EGFR: variants seen among roughly 807,000 people sequenced by gnomAD.
EGFR encodes avian erythroblastic leukemia viral (v-erb-b) oncogene homolog.
EGFR carries 58 observed loss-of-function variants against 143.0 expected under a neutral mutation model. That is an observed-to-expected ratio of 0.41 (90% CI 0.33 to 0.50). EGFR has a LOEUF of 0.50. Among genes scored for constraint, EGFR ranks in the 20% least tolerant of loss-of-function variants. The pLI is 0.39. For synonymous variants in EGFR, 613 were observed against 594.4 expected, an observed-to-expected ratio of 1.03 and a Z score of -0.45; for missense variants, 1,307 against 1,579.0, an observed-to-expected ratio of 0.83 and a Z score of 2.92.
chr7:55,205,718 C>G lies in EGFR; in HGVS notation c.*101C>G. 1.3e-6 allele frequency: 2 copies of G among 1,591,196 alleles called. No homozygotes were observed. The highest frequency in any genetic ancestry group is 1.7e-6 in the Non-Finnish European group (2 of 1,163,640). On this transcript the variant is annotated 3_prime_UTR_variant, in exon 28 of 28. Coordinates refer to ENST00000275493, the MANE Select transcript of EGFR (RefSeq NM_005228.5). ...CCCAACAGCCATGCCCGCATTAGCT[C>G]TTAGACCCACAGACTGGTTTTGCAA... is the stretch of plus-strand genomic sequence containing the variant.
intron 1 of EGFR, among the ~76,000 whole-genome samples, chr7:55,115,465 C>T (rs1792780018): frequency 6.6e-6 from 1 of 152,200 alleles, no homozygotes; most frequent in Non-Finnish European, 1.5e-5. Flanking sequence ...TTATTGTCCT[C>T]TACTGGATTT....
At chr7:55,194,069 C>T (rs919987422) in intron 22 of EGFR, among the ~76,000 whole-genome samples, 15 of 152,212 alleles carry the variant, frequency 9.9e-5, no homozygotes, top group East Asian at 1.9e-4. Flanking sequence ...CTCCTCTCCA[C>T]GAGGGAACTG....
intron 1 of EGFR, among the ~76,000 whole-genome samples, chr7:55,089,782 T>C (rs73135226): frequency 0.19 from 29,099 of 151,928 alleles, 3,187 homozygotes; most frequent in African/African-American, 0.28. Flanking sequence ...CCGGAGCCCA[T>C]GTTTCTTTCC....
At chr7:55,124,923 C>A (rs1793433923) in intron 1 of EGFR, among the ~76,000 whole-genome samples, 1 of 152,238 alleles carries the variant, frequency 6.6e-6, no homozygotes, top group African/African-American at 2.4e-5. Context: ...CCTCTTTAAC[C>A]CCTGTCGGGG....
intron 15 of EGFR, chr7:55,170,919 A>G (rs1443396333): frequency 7.1e-7 from 1 of 1,417,962 alleles, no homozygotes; most frequent in Admixed American, 2.9e-5. Flanking sequence ...CTCAATAACA[A>G]ACTGGCTGCT....
At chr7:55,098,367 A>G (rs2128899325) in intron 1 of EGFR, among the ~76,000 whole-genome samples, 1 of 152,334 alleles carries the variant, frequency 6.6e-6, no homozygotes, top group East Asian at 1.9e-4. Flanking sequence ...AGCACGCATG[A>G]CCTTCCCACA....
At chr7:55,119,696 T>C (rs1793082449) in intron 1 of EGFR, among the ~76,000 whole-genome samples, 2 of 152,212 alleles carry the variant, frequency 1.3e-5, no homozygotes, top group African/African-American at 4.8e-5. Flanking sequence ...GACAATACGG[T>C]CCTATGCTTT....
In EGFR at chr7:55,061,649, T is replaced by TGA. The variant is rs1174312198; in HGVS notation, c.88+42307_88+42308dup. On this transcript the variant is annotated intron_variant, in intron 1 of 27. Coordinates refer to ENST00000275493, the MANE Select transcript of EGFR (RefSeq NM_005228.5). ...GTGTGTGTGTGTGTGTGTGTGTGTG[T>TGA]GAGAGAGAGAGAGAGAGAGAGAGAC... 2.0e-3 allele frequency among the ~76,000 whole-genome samples: 261 copies of TGA among 132,796 alleles called. 3 individuals are homozygous for TGA. The East Asian group carries it at 0.034, about 17-fold the overall frequency. The allele number at this position is 132,796 out of a possible 152,430, so 87.1% of individuals were successfully genotyped here. A position where few individuals can be genotyped will look rare whatever the true frequency, so the allele number is the denominator to read the frequency against.
intron 1 of EGFR, among the ~76,000 whole-genome samples, chr7:55,037,194 A>C (rs563239080): frequency 3.9e-5 from 6 of 152,222 alleles, no homozygotes; most frequent in Admixed American, 2.0e-4. Flanking sequence ...TCTTATCTGC[A>C]TGTTTCATCT....
intron 17 of EGFR, among the ~76,000 whole-genome samples, 180 bp from the exon 18 acceptor site, chr7:55,173,741 C>A (rs1786463331): frequency 6.6e-6 from 1 of 152,256 alleles, no homozygotes; most frequent in South Asian, 2.1e-4. Flanking sequence ...CTACCAACTT[C>A]TGTCAAGCTC....
intron 1 of EGFR, among the ~76,000 whole-genome samples, chr7:55,098,482 T>G (rs1221990179): frequency 6.6e-6 from 1 of 152,152 alleles, no homozygotes; most frequent in Non-Finnish European, 1.5e-5. Flanking sequence ...AACTTTACTA[T>G]ATGTTGTTAA....
At chr7:55,109,003 G>A (rs4947975) in intron 1 of EGFR, among the ~76,000 whole-genome samples, 5 of 152,148 alleles carry the variant, frequency 3.3e-5, no homozygotes, top group African/African-American at 9.6e-5. Context: ...TTGTGAGGAC[G>A]GTCATTGCTC....
intron 20 of EGFR, among the ~76,000 whole-genome samples, chr7:55,190,134 T>C (rs1372981486): frequency 2.6e-5 from 4 of 152,002 alleles, no homozygotes; most frequent in Admixed American, 1.3e-4. Context: ...GCCCCCCCTC[T>C]CCTCTCCCTT....
Position 55,201,741 on chromosome 7 carries a change from A to G in EGFR, c.3121A>G (p.Thr1041Ala), listed in dbSNP as rs1420042114. 2 of 1,614,100 alleles carry G rather than the reference A, an allele frequency of 1.2e-6. No individual in the cohort carries two copies. The highest frequency in any genetic ancestry group is 1.7e-6 in the Non-Finnish European group (2 of 1,180,046). ...RTPLLSSLSA[T>A]SNNSTVACID... ...TTCTCTGTTTCTTTTTCAGAGTGCA[A>G]CCAGCAACAATTCCACCGTGGCTTG... The change falls in exon 26 of 28, where the codon ACC becomes GCC. Residue 1041 changes from threonine to alanine, a missense_variant. Thr to Ala is a moderately conservative substitution (Grantham distance 58, BLOSUM62 0). Coordinates refer to ENST00000275493, the MANE Select transcript of EGFR (RefSeq NM_005228.5).
intron 1 of EGFR, among the ~76,000 whole-genome samples, chr7:55,054,401 C>T (rs921940858): frequency 7.9e-5 from 12 of 152,202 alleles, no homozygotes; most frequent in Admixed American, 2.0e-4. Flanking sequence ...TTTAACACAG[C>T]GGGAAAAGCT....
At chr7:55,143,253 G>A (rs1794567385) in intron 2 of EGFR, 52 bp from the exon 3 acceptor site, 2 of 1,609,386 alleles carry the variant, frequency 1.2e-6, no homozygotes, top group South Asian at 1.1e-5. Flanking sequence ...TAGACCTTGA[G>A]TTCTTGAGTT....
At chr7:55,143,218 G>C in intron 2 of EGFR, 87 bp from the exon 3 acceptor site, 2 of 1,448,018 alleles carry the variant, frequency 1.4e-6, no homozygotes, top group Non-Finnish European at 1.9e-6. Flanking sequence ...TCAACTGGGC[G>C]TCCTAGGGCT....
chr7:55,198,338 T>TC (rs1299032948), intron 22 of EGFR, among the ~76,000 whole-genome samples: 1 of 152,180 alleles, frequency 6.6e-6, no homozygotes. Flanking sequence ...CAGATACAGG[T>TC]CCCTCAGAGC....
chr7:55,207,279 G>C lies in EGFR; in HGVS notation c.*1662G>C. 1 of 232,786 alleles carries C rather than the reference G, an allele frequency of 4.3e-6. No individual in the cohort carries two copies. The highest frequency in any genetic ancestry group is 8.5e-6 in the Non-Finnish European group (1 of 117,760). The allele number at this position is 232,786 out of a possible 1,614,324, so 14.4% of individuals were successfully genotyped here. A position where few individuals can be genotyped will look rare whatever the true frequency, so the allele number is the denominator to read the frequency against. ...GATCAGTCAGAGCCCCTACAGCATT[G>C]TTAAGAAAGTATTTGATTTTTGTCT... is the stretch of plus-strand genomic sequence containing the variant. On this transcript the variant is annotated 3_prime_UTR_variant, in exon 28 of 28. Coordinates refer to ENST00000275493, the MANE Select transcript of EGFR (RefSeq NM_005228.5).
Sources: gnomAD v4.1 joint callset for allele counts (sites outside exome capture counted in the v4.1 genomes callset) on GRCh38, gnomAD v4.1.1 for gene constraint, MANE v1.5 for transcripts, NCBI Gene and HGNC (gene_info 2026-07-23, HGNC 2026-07-21) for gene names.